Variants in KIAA2012 observed in about 807,000 individuals in gnomAD.
KIAA2012 encodes uncharacterized protein KIAA2012.
KIAA2012 carries 125 observed loss-of-function variants against 150.6 expected under a neutral mutation model. The ratio of observed to expected loss-of-function variants is 0.83; its 90% CI spans 0.72 to 0.96. The LOEUF (loss-of-function observed/expected upper bound fraction) is 0.96, where lower values mean the gene tolerates loss of function less well. KIAA2012 is among the 40% of genes least tolerant of loss of function. The pLI is 0.00. For missense variants in KIAA2012, 1,219 were observed against 1,354.9 expected, an observed-to-expected ratio of 0.90 and a Z score of 1.57; for synonymous variants, 462 against 504.7, an observed-to-expected ratio of 0.92 and a Z score of 1.13.
In KIAA2012 at chr2:202,201,346, A is replaced by T. The variant is rs545263723; in HGVS notation, c.3408-1083A>T. On this transcript the variant is annotated intron_variant, in intron 22 of 23. Transcript: ENST00000498697. ...TTGTGAGAAGTGCTGAAGGTATGTG[A>T]TGTCTTTCCCGGCACAAAGGTGGCC... 1.4e-4 allele frequency: 229 copies of T among 1,585,678 alleles called. No individual in the cohort carries two copies. In the African/African-American group the frequency reaches 2.5e-3, roughly 17 times the overall value.
At chr2:202,193,275 G>A (rs1462226206) in intron 19 of KIAA2012, 26 bp from the exon 20 acceptor site, 1 of 1,546,516 alleles carries the variant, frequency 6.5e-7, no homozygotes, top group South Asian at 1.2e-5. Flanking sequence ...TCTGTTTATT[G>A]CACTGAGAAC....
At position 202,094,568 on chromosome 2, in the gene KIAA2012, GAAGTGCAGCCA is replaced by G. The variant is rs199891026; in HGVS notation, c.685+1384_685+1394del. Among the ~76,000 whole-genome samples the G allele has an allele frequency of 6.0e-3, 909 of 151,516 alleles. 8 individuals are homozygous for G. Among genetic ancestry groups the G allele is most frequent in the African/African-American group, 0.021 (852 of 41,252 alleles). ...TTGCTCTGGCTCTGTCACCCAAGCT[GAAGTGCAGCCA>G]TGTGATTATGGCTCACTGAAGCCTT... On this transcript the variant is annotated intron_variant, in intron 4 of 23. Coordinates refer to ENST00000498697, the MANE Select transcript of KIAA2012 (RefSeq NM_001277372.4).
intron 13 of KIAA2012, among the ~76,000 whole-genome samples, chr2:202,142,189 T>C (rs931830729): frequency 6.6e-6 from 1 of 152,254 alleles, no homozygotes; most frequent in African/African-American, 2.4e-5. Flanking sequence ...CTTCTCTTAC[T>C]CTTTTTAAAT....
At chr2:202,113,506 C>T (rs1159675327) in intron 11 of KIAA2012, 60 bp downstream of exon 11, 2 of 1,193,810 alleles carry the variant, frequency 1.7e-6, no homozygotes, top group Non-Finnish European at 2.4e-6. Flanking sequence ...AAGATGTTAC[C>T]TGCAGCTTCC....
chr2:202,123,443 A>T (rs985221555), intron 11 of KIAA2012, among the ~76,000 whole-genome samples: 1 of 152,156 alleles, frequency 6.6e-6, no homozygotes, highest in Non-Finnish European at 1.5e-5. Context: ...CTTGAACCGT[A>T]GGGTCAACAA....
At chr2:202,141,102 C>T (rs376106338) in intron 13 of KIAA2012, among the ~76,000 whole-genome samples, 60 of 152,240 alleles carry the variant, frequency 3.9e-4, no homozygotes, top group African/African-American at 1.3e-3. Flanking sequence ...GCTGGGGTGA[C>T]GGCGTTCCCT....
At chr2:202,114,429 G>C (rs528047347) in intron 11 of KIAA2012, 1 of 167,132 alleles carries the variant, frequency 6.0e-6, no homozygotes. Context: ...AAATATCTTG[G>C]TTCTGAATTG....
rs918998856 is a variant in KIAA2012 at position 202,083,160 on chromosome 2, C to T, written c.370-7610C>T. Among the ~76,000 whole-genome samples the T allele has an allele frequency of 3.3e-5, 5 of 152,218 alleles. No homozygotes were observed. In the East Asian group the frequency reaches 5.8e-4, roughly 18 times the overall value. ...TAATGAGAACATTCAGACCACTTCA[C>T]GACTTTCTTCTTTATGGCCTTGTAT... On this transcript the variant is annotated intron_variant, in intron 2 of 23. Coordinates refer to ENST00000498697, the MANE Select transcript of KIAA2012 (RefSeq NM_001277372.4).
chr2:202,077,949 G>A (rs1454610671), intron 2 of KIAA2012, among the ~76,000 whole-genome samples: 1 of 152,196 alleles, frequency 6.6e-6, no homozygotes, highest in Non-Finnish European at 1.5e-5. Context: ...CCAGTGCCAG[G>A]ACAGCTATAG....
At chr2:202,123,983 G>A (rs1274820356) in intron 11 of KIAA2012, among the ~76,000 whole-genome samples, 1 of 152,124 alleles carries the variant, frequency 6.6e-6, no homozygotes, top group African/African-American at 2.4e-5. Context: ...GAGGTCAGGA[G>A]GTCGAGACCA....
At chr2:202,132,746 TA>T (rs369057686) in intron 12 of KIAA2012, among the ~76,000 whole-genome samples, 4 of 45,914 alleles carry the variant, frequency 8.7e-5, no homozygotes, top group African/African-American at 2.0e-4. Flanking sequence ...TGTATATATA[TA>T]GTATATATGT....
At chr2:202,179,659 C>T (rs1217760725) in intron 15 of KIAA2012, 1 of 658,396 alleles carries the variant, frequency 1.5e-6, no homozygotes, top group Non-Finnish European at 2.9e-6. Flanking sequence ...AGAATATACT[C>T]AGTCAGGTGG....
intron 12 of KIAA2012, among the ~76,000 whole-genome samples, chr2:202,135,415 G>T (rs1691039032): frequency 6.6e-6 from 1 of 152,174 alleles, no homozygotes; most frequent in African/African-American, 2.4e-5. Context: ...CAGTTTCTTT[G>T]ACTTGATAAC....
chr2:202,142,548 A>G (rs1264953626), intron 13 of KIAA2012, among the ~76,000 whole-genome samples: 2 of 152,184 alleles, frequency 1.3e-5, no homozygotes, highest in African/African-American at 4.8e-5. Context: ...CATAATTTCT[A>G]ATTTTGTGGC....
At chr2:202,084,927 C>T (rs950814794) in intron 2 of KIAA2012, among the ~76,000 whole-genome samples, 1 of 152,102 alleles carries the variant, frequency 6.6e-6, no homozygotes, top group Non-Finnish European at 1.5e-5. Flanking sequence ...TATTTTCTTC[C>T]AGTCTTTCCA....
At chr2:202,106,962 T>C (rs1029467813) in intron 9 of KIAA2012, among the ~76,000 whole-genome samples, 2 of 152,206 alleles carry the variant, frequency 1.3e-5, no homozygotes, top group Non-Finnish European at 2.9e-5. Flanking sequence ...AGATGCACAT[T>C]AATGTGTTTG....
At chr2:202,085,764 A>T (rs1422277772) in intron 2 of KIAA2012, among the ~76,000 whole-genome samples, 3 of 152,190 alleles carry the variant, frequency 2.0e-5, no homozygotes, top group African/African-American at 7.2e-5. Context: ...GCAAAAATAT[A>T]TGTAAATACT....
chr2:202,097,894 G>T (rs1689934259), intron 5 of KIAA2012, among the ~76,000 whole-genome samples: 1 of 152,096 alleles, frequency 6.6e-6, no homozygotes, highest in Non-Finnish European at 1.5e-5. Flanking sequence ...CTAGCCAGAG[G>T]TACCACTTCT....
chr2:202,144,054 T>C (rs1201959134), intron 13 of KIAA2012, among the ~76,000 whole-genome samples: 1 of 152,208 alleles, frequency 6.6e-6, no homozygotes, highest in Non-Finnish European at 1.5e-5. Context: ...CCAAAAATGA[T>C]TGCATCTCTT....
Sources: allele counts gnomAD v4.1 joint callset (sites outside exome capture counted in the v4.1 genomes callset), GRCh38; gene constraint gnomAD v4.1.1; transcripts MANE v1.5; gene names NCBI Gene and HGNC (gene_info 2026-07-23, HGNC 2026-07-21).